CDH8: variants seen among roughly 807,000 people sequenced by gnomAD.
The protein encoded by CDH8 is cadherin-8.
In CDH8, 17 loss-of-function variants were observed where a neutral mutation model predicts 68.1. That is an observed-to-expected ratio of 0.25 (90% CI 0.17 to 0.37). The LOEUF (loss-of-function observed/expected upper bound fraction) is 0.37. Among genes scored for constraint, CDH8 ranks in the 10% least tolerant of loss-of-function variants. The pLI, the probability that CDH8 is intolerant of heterozygous loss-of-function variation, is 1.00. For synonymous variants in CDH8, 372 were observed against 365.1 expected, an observed-to-expected ratio of 1.02 and a Z score of -0.21; for missense variants, 763 against 999.3, an observed-to-expected ratio of 0.76 and a Z score of 3.19.
chr16:61,902,788 T>G (rs1963999877), intron 2 of CDH8, among the ~76,000 whole-genome samples: 1 of 152,144 alleles, frequency 6.6e-6, no homozygotes, highest in South Asian at 2.1e-4. Flanking sequence ...GATCTCCTAC[T>G]TTACTTTTGA....
intron 8 of CDH8, among the ~76,000 whole-genome samples, chr16:61,740,525 A>G (rs1011245487): frequency 6.6e-6 from 1 of 152,118 alleles, no homozygotes; most frequent in Admixed American, 6.5e-5. Flanking sequence ...AAAGTAGCCA[A>G]TACCCCAGAA....
chr16:61,851,976 C>T (rs148053833), intron 4 of CDH8, among the ~76,000 whole-genome samples: 4,775 of 152,062 alleles, frequency 0.031, 123 homozygotes, highest in Non-Finnish European at 0.047. Flanking sequence ...GCTTCAAACA[C>T]CTTGGGCAAG....
intron 3 of CDH8, among the ~76,000 whole-genome samples, chr16:61,888,804 T>G (rs567223256): frequency 3.2e-4 from 48 of 152,256 alleles, no homozygotes; most frequent in African/African-American, 1.1e-3. Context: ...TCAAAAAGTG[T>G]TAACTTTACT....
chr16:61,828,943 C>T (rs113193648), intron 4 of CDH8, among the ~76,000 whole-genome samples: 5 of 151,900 alleles, frequency 3.3e-5, no homozygotes, highest in South Asian at 2.1e-4. Context: ...CCTTCCCCAA[C>T]GTGACTTTTT....
chr16:61,893,134 T>G (rs1408888824), intron 3 of CDH8, among the ~76,000 whole-genome samples: 2 of 152,128 alleles, frequency 1.3e-5, no homozygotes, highest in African/African-American at 4.8e-5. Context: ...CAGCTATGTG[T>G]GGCTCCTGGT....
At chr16:61,755,779 TTCTC>T (rs1960297198) in intron 8 of CDH8, among the ~76,000 whole-genome samples, 3 of 151,950 alleles carry the variant, frequency 2.0e-5, no homozygotes, top group Non-Finnish European at 4.4e-5. Context: ...CTCCTTCTCC[TTCTC>T]CTTCTCCGCC....
rs115148976 is a variant in CDH8 at position 61,686,277 on chromosome 16, C to T, written c.1654+27564G>A. 8.3e-3 allele frequency among the ~76,000 whole-genome samples: 1,263 copies of T among 152,066 alleles called. 15 individuals are homozygous for T. The highest frequency in any genetic ancestry group is 0.029 in the African/African-American group (1,204 of 41,512). On this transcript the variant is annotated intron_variant, in intron 10 of 11. Transcript: ENST00000577390. ...TCTTCTTACTCTATTTTCATAGCAG[C>T]ATGATTTTTTTGCCTGAATTATTGA...
In CDH8 at chr16:61,921,102, T is replaced by G. The variant is rs865980751; in HGVS notation, c.253-19629A>C. 6.3e-4 allele frequency among the ~76,000 whole-genome samples: 62 copies of G among 98,296 alleles called. 1 individual carries two copies. Among genetic ancestry groups the G allele is most frequent in the Middle Eastern group, 6.6e-3 (1 of 152 alleles). The allele number at this position is 98,296 out of a possible 152,430, so 64.5% of individuals were successfully genotyped here. ...GGGAACATCACACTCTGGGGACTGT[T>G]GTGGGGTGGGGGGAGGGGGGAGGGA... On this transcript the variant is annotated intron_variant, in intron 2 of 11. Coordinates refer to ENST00000577390, the MANE Select transcript of CDH8 (RefSeq NM_001796.5).
chr16:61,989,537 G>T (rs1162657134), intron 2 of CDH8, among the ~76,000 whole-genome samples: 1 of 152,180 alleles, frequency 6.6e-6, no homozygotes, highest in Non-Finnish European at 1.5e-5. Context: ...AGTGCCAAGG[G>T]CTCCATCTCA....
At chr16:61,759,721 T>A (rs1960416087) in intron 8 of CDH8, among the ~76,000 whole-genome samples, 1 of 152,190 alleles carries the variant, frequency 6.6e-6, no homozygotes, top group Non-Finnish European at 1.5e-5. Context: ...TCTAATGATT[T>A]AAAATCTCAG....
intron 2 of CDH8, among the ~76,000 whole-genome samples, chr16:61,942,884 C>T (rs561022796): frequency 6.6e-6 from 1 of 152,176 alleles, no homozygotes; most frequent in South Asian, 2.1e-4. Flanking sequence ...CCAGCCTGGA[C>T]AACACGGCAA....
intron 3 of CDH8, among the ~76,000 whole-genome samples, chr16:61,899,904 A>G (rs1963938294): frequency 6.6e-6 from 1 of 151,624 alleles, no homozygotes; most frequent in Admixed American, 6.6e-5. Flanking sequence ...AAATATCAGG[A>G]CCACATTTGG....
chr16:61,774,832 A>C (rs72798716), intron 8 of CDH8, among the ~76,000 whole-genome samples: 1,670 of 152,288 alleles, frequency 0.011, 24 homozygotes, highest in South Asian at 0.022. Context: ...AGCCTTGAAC[A>C]GTTATTTAAA....
At chr16:61,776,190 G>C (rs1960895748) in intron 8 of CDH8, among the ~76,000 whole-genome samples, 1 of 152,064 alleles carries the variant, frequency 6.6e-6, no homozygotes, top group Non-Finnish European at 1.5e-5. Context: ...GTTAGGCTCT[G>C]TTTACGCAAT....
intron 8 of CDH8, among the ~76,000 whole-genome samples, chr16:61,739,903 A>G (rs1482126700): frequency 0.012 from 1,087 of 89,586 alleles, 26 homozygotes; most frequent in Admixed American, 0.04. Flanking sequence ...ATATATATAT[A>G]TATATATATG....
At chr16:61,861,360 A>T (rs1195707927) in intron 3 of CDH8, among the ~76,000 whole-genome samples, 2 of 152,156 alleles carry the variant, frequency 1.3e-5, no homozygotes, top group Non-Finnish European at 2.9e-5. Flanking sequence ...TTCTTTTTTC[A>T]TACTCCATAG....
At chr16:61,821,628 C>T (rs987992139) in intron 5 of CDH8, among the ~76,000 whole-genome samples, 2 of 152,058 alleles carry the variant, frequency 1.3e-5, no homozygotes, top group Admixed American at 6.6e-5. Context: ...TCTGCTGTGC[C>T]CTGCAGCAAG....
chr16:61,726,939 A>G, intron 9 of CDH8, 155 bp downstream of exon 9: 1 of 763,152 alleles, frequency 1.3e-6, no homozygotes, highest in Non-Finnish European at 2.1e-6. Flanking sequence ...TCTGATGGAG[A>G]AAAAAAATTC....
At chr16:61,931,560 T>G (rs1964540110) in intron 2 of CDH8, among the ~76,000 whole-genome samples, 1 of 152,182 alleles carries the variant, frequency 6.6e-6, no homozygotes, top group African/African-American at 2.4e-5. Context: ...AGCAGTATGT[T>G]GCTCTTGTCA....
Sources: gnomAD v4.1 joint callset for allele counts (sites outside exome capture counted in the v4.1 genomes callset) on GRCh38, gnomAD v4.1.1 for gene constraint, MANE v1.5 for transcripts, NCBI Gene and HGNC (gene_info 2026-07-23, HGNC 2026-07-21) for gene names.